PIP5K1B: variants seen among roughly 807,000 people sequenced by gnomAD.
The protein encoded by PIP5K1B is phosphatidylinositol-4-phosphate 5-kinase type 1 beta, also known as phosphatidylinositol 4-phosphate 5-kinase type-1 beta.
In PIP5K1B, 42 loss-of-function variants were observed where a neutral mutation model predicts 67.0. That is an observed-to-expected ratio of 0.63 (90% CI 0.49 to 0.81). The LOEUF is 0.81. Ranked by LOEUF, PIP5K1B falls within the 30% of genes least tolerant of loss-of-function variation. The pLI, the probability that PIP5K1B is intolerant of heterozygous loss-of-function variation, is 0.00. For missense variants in PIP5K1B, 459 were observed against 646.3 expected (o/e 0.71, Z 3.14); for synonymous variants, 214 against 231.4 (o/e 0.92, Z 0.68).
intron 5 of PIP5K1B, among the ~76,000 whole-genome samples, chr9:68,866,432 CAT>C (rs911670964): frequency 3.3e-5 from 5 of 150,918 alleles, no homozygotes; most frequent in Admixed American, 6.6e-5. Flanking sequence ...CATATACACT[CAT>C]ATAATATATA....
At chr9:68,867,707 T>G (rs1164585542) in intron 5 of PIP5K1B, among the ~76,000 whole-genome samples, 1 of 152,224 alleles carries the variant, frequency 6.6e-6, no homozygotes. Context: ...CAATTAAACT[T>G]CAATAAATCA....
chr9:68,960,886 T>C (rs575490387), intron 14 of PIP5K1B, among the ~76,000 whole-genome samples: 2 of 152,258 alleles, frequency 1.3e-5, no homozygotes, highest in Non-Finnish European at 2.9e-5. Flanking sequence ...CTCAGATTTC[T>C]CATAATCGTT....
chr9:68,926,656 C>G (rs1826720833), intron 12 of PIP5K1B, among the ~76,000 whole-genome samples: 1 of 152,176 alleles, frequency 6.6e-6, no homozygotes, highest in South Asian at 2.1e-4. Flanking sequence ...ACTGCAACCT[C>G]TGCCTCCTGG....
chr9:68,744,927 G>C (rs1393703779), intron 2 of PIP5K1B, among the ~76,000 whole-genome samples: 4 of 152,142 alleles, frequency 2.6e-5, no homozygotes, highest in Non-Finnish European at 4.4e-5. Flanking sequence ...TGTCCAGGTG[G>C]CCCTTGTTGG....
chr9:68,985,435 A>AGAG (rs1208660328), intron 14 of PIP5K1B, among the ~76,000 whole-genome samples: 1 of 152,142 alleles, frequency 6.6e-6, no homozygotes, highest in Non-Finnish European at 1.5e-5. Context: ...TATTTTTAGT[A>AGAG]GAGACAGGAT....
chr9:68,987,196 G>A (rs1045510782), intron 14 of PIP5K1B, among the ~76,000 whole-genome samples: 18 of 151,864 alleles, frequency 1.2e-4, no homozygotes, highest in African/African-American at 4.4e-4. Flanking sequence ...AGGTTGCAGT[G>A]AACTGAGATC....
At chr9:68,996,533 A>T (rs1180567438) in intron 15 of PIP5K1B, among the ~76,000 whole-genome samples, 2 of 152,366 alleles carry the variant, frequency 1.3e-5, no homozygotes, top group East Asian at 3.8e-4. Flanking sequence ...CACAGAGATG[A>T]GCAGGCTGTA....
intron 2 of PIP5K1B, among the ~76,000 whole-genome samples, chr9:68,816,619 A>G (rs1238770080): frequency 6.6e-6 from 1 of 152,244 alleles, no homozygotes; most frequent in African/African-American, 2.4e-5. Flanking sequence ...AGTAGATGCC[A>G]TAACTAAATC....
At chr9:68,977,213 T>A (rs142641265) in intron 14 of PIP5K1B, among the ~76,000 whole-genome samples, 1 of 152,342 alleles carries the variant, frequency 6.6e-6, no homozygotes, top group African/African-American at 2.4e-5. Context: ...TCCAGTATTG[T>A]GAAGCTTAAT....
chr9:68,921,381 G>A (rs1411069008), intron 11 of PIP5K1B, among the ~76,000 whole-genome samples: 7 of 152,070 alleles, frequency 4.6e-5, no homozygotes, highest in Non-Finnish European at 1.0e-4. Flanking sequence ...AGGTCAATAT[G>A]GTAGGTTAAT....
At chr9:68,954,491 A>G (rs1206769178) in intron 14 of PIP5K1B, among the ~76,000 whole-genome samples, 1 of 152,228 alleles carries the variant, frequency 6.6e-6, no homozygotes, top group Non-Finnish European at 1.5e-5. Flanking sequence ...CTCCTTGTTC[A>G]GGGCAGCCTC....
At chr9:68,758,110 A>G (rs929151942) in intron 2 of PIP5K1B, among the ~76,000 whole-genome samples, 1 of 152,198 alleles carries the variant, frequency 6.6e-6, no homozygotes, top group Non-Finnish European at 1.5e-5. Context: ...GCCTGAAGCT[A>G]TTCACGACAA....
intron 12 of PIP5K1B, among the ~76,000 whole-genome samples, chr9:68,926,698 A>G (rs1441877720): frequency 6.6e-6 from 1 of 151,936 alleles, no homozygotes; most frequent in Non-Finnish European, 1.5e-5. Context: ...TAGCCTCCCA[A>G]ATAGCTGGGA....
chr9:68,713,856 C>A (rs1274470758), intron 1 of PIP5K1B, among the ~76,000 whole-genome samples: 1 of 152,146 alleles, frequency 6.6e-6, no homozygotes, highest in Non-Finnish European at 1.5e-5. Flanking sequence ...CCAGGCACTC[C>A]TCAAGTGCTG....
At chr9:68,789,280 T>G (rs1831821150) in intron 2 of PIP5K1B, 2 of 426,510 alleles carry the variant, frequency 4.7e-6, no homozygotes, top group East Asian at 5.5e-5. Flanking sequence ...TTGAGGATAT[T>G]TGACTCGGTA....
intron 6 of PIP5K1B, among the ~76,000 whole-genome samples, chr9:68,878,807 T>C (rs1824026941): frequency 6.6e-6 from 1 of 152,132 alleles, no homozygotes; most frequent in Non-Finnish European, 1.5e-5. Context: ...GGGTGATGAT[T>C]AGGAGGTCTT....
chr9:68,777,895 C>T (rs1370142371), intron 2 of PIP5K1B, among the ~76,000 whole-genome samples: 1 of 152,178 alleles, frequency 6.6e-6, no homozygotes, highest in Non-Finnish European at 1.5e-5. Context: ...CCTCCTCTCT[C>T]CTGTTTTTAT....
In PIP5K1B at chr9:68,924,931, T is replaced by G. The variant is rs184335033; in HGVS notation, c.1201+1545T>G. ...TACTTTGATGTACTTTCTACCAATC[T>G]TTATTTCTATACTTTATGTATTTAC... On this transcript the variant is annotated intron_variant, in intron 12 of 15. Transcript: ENST00000265382. Among the ~76,000 whole-genome samples, 456 of 152,328 alleles carry G rather than the reference T, an allele frequency of 3.0e-3. 3 individuals are homozygous for G. The highest frequency in any genetic ancestry group is 0.01 in the African/African-American group (433 of 41,568).
chr9:68,973,904 G>T (rs1829512551), intron 14 of PIP5K1B, among the ~76,000 whole-genome samples: 1 of 152,112 alleles, frequency 6.6e-6, no homozygotes, highest in Non-Finnish European at 1.5e-5. Flanking sequence ...GGGAGACAGG[G>T]TCTCACACTG....
Sources: allele counts gnomAD v4.1 joint callset (sites outside exome capture counted in the v4.1 genomes callset), GRCh38; gene constraint gnomAD v4.1.1; transcripts MANE v1.5; gene names NCBI Gene and HGNC (gene_info 2026-07-23, HGNC 2026-07-21).